KIAA1217: variants seen among roughly 807,000 people sequenced by gnomAD.
KIAA1217 encodes sickle tail protein homolog.
KIAA1217 carries 88 observed loss-of-function variants against 163.9 expected under a neutral mutation model. The ratio of observed to expected loss-of-function variants is 0.54; its 90% CI spans 0.45 to 0.64. The LOEUF is 0.64. Ranked by LOEUF, KIAA1217 falls within the 30% of genes least tolerant of loss-of-function variation. The pLI is 0.00. For synonymous variants in KIAA1217, 903 were observed against 923.1 expected, an observed-to-expected ratio of 0.98 and a Z score of 0.39; for missense variants, 2,372 against 2,475.0, an observed-to-expected ratio of 0.96 and a Z score of 0.88.
rs112411312 is a variant in KIAA1217, at chr10:23,848,446, A to G, written c.-321+153212A>G. On this transcript the variant is annotated intron_variant, in intron 1 of 18. Coordinates refer to the KIAA1217 transcript ENST00000376462. ...TTACCATTATATAATACCCTTCTTTATCTCTTTTCAACCCCAAATGCCCAC... is the reference window on the plus strand; with the variant it reads ...TTACCATTATATAATACCCTTCTTTGTCTCTTTTCAACCCCAAATGCCCAC... 4.8e-3 allele frequency among the ~76,000 whole-genome samples: 734 copies of G among 152,008 alleles called. 10 individuals carry two copies. The highest frequency in any genetic ancestry group is 0.016 in the African/African-American group (661 of 41,498).
intron 20 of KIAA1217, chr10:24,545,558 G>A: frequency 1.5e-6 from 2 of 1,345,166 alleles, no homozygotes; most frequent in Non-Finnish European, 1.9e-6. Flanking sequence ...GGCCCACCTG[G>A]CACACAGGAA....
intron 1 of KIAA1217, among the ~76,000 whole-genome samples, chr10:23,764,550 C>T (rs542597567): frequency 6.6e-6 from 1 of 152,224 alleles, no homozygotes; most frequent in Middle Eastern, 3.4e-3. Flanking sequence ...AACCCAAATG[C>T]CCAGCAATGA....
At chr10:24,052,782 T>C (rs1450255755) in intron 2 of KIAA1217, among the ~76,000 whole-genome samples, 2 of 152,206 alleles carry the variant, frequency 1.3e-5, no homozygotes, top group African/African-American at 2.4e-5. Flanking sequence ...TTTTCTTATA[T>C]TGTTATATGC....
At chr10:24,017,546 C>T (rs562052127) in intron 2 of KIAA1217, among the ~76,000 whole-genome samples, 1 of 152,206 alleles carries the variant, frequency 6.6e-6, no homozygotes, top group African/African-American at 2.4e-5. Flanking sequence ...AAGTAACATA[C>T]TGGCTTAAAT....
At chr10:23,708,149 A>T (rs923947082) in intron 1 of KIAA1217, among the ~76,000 whole-genome samples, 1 of 152,180 alleles carries the variant, frequency 6.6e-6, no homozygotes, top group Non-Finnish European at 1.5e-5. Context: ...AGCCAAGTGA[A>T]AGGGGCTTCC....
chr10:24,173,582 C>T (rs2065733368), intron 2 of KIAA1217, among the ~76,000 whole-genome samples: 1 of 152,098 alleles, frequency 6.6e-6, no homozygotes, highest in Non-Finnish European at 1.5e-5. Context: ...GAATCTAAGA[C>T]TTCCAGTTCT....
At chr10:23,888,426 A>G (rs984298584) in intron 1 of KIAA1217, among the ~76,000 whole-genome samples, 5 of 151,942 alleles carry the variant, frequency 3.3e-5, no homozygotes, top group African/African-American at 1.2e-4. Flanking sequence ...ACTCCTGAAT[A>G]GATATACACA....
intron 2 of KIAA1217, among the ~76,000 whole-genome samples, chr10:24,082,108 T>C (rs906766582): frequency 3.5e-4 from 53 of 152,172 alleles, no homozygotes; most frequent in African/African-American, 1.2e-3. Flanking sequence ...TTGTCCCCTT[T>C]TGTAATTCAG....
intron 4 of KIAA1217, among the ~76,000 whole-genome samples, chr10:24,436,712 G>C (rs1031872668): frequency 7.1e-6 from 1 of 140,684 alleles, no homozygotes; most frequent in South Asian, 2.3e-4. Flanking sequence ...GAGCCGAGAC[G>C]GTGCCACTGC....
At chr10:23,763,030 A>G (rs1035980988) in intron 1 of KIAA1217, among the ~76,000 whole-genome samples, 3 of 152,174 alleles carry the variant, frequency 2.0e-5, no homozygotes, top group Non-Finnish European at 4.4e-5. Context: ...ACAAAGGAAT[A>G]AAATACCTAG....
At chr10:23,823,393 T>C (rs183984418) in intron 1 of KIAA1217, among the ~76,000 whole-genome samples, 2 of 152,306 alleles carry the variant, frequency 1.3e-5, no homozygotes, top group South Asian at 2.1e-4. Context: ...AAAGTTTGAG[T>C]CCTTCTTACG....
intron 1 of KIAA1217, among the ~76,000 whole-genome samples, chr10:23,808,688 A>G (rs1310629441): frequency 1.3e-5 from 2 of 152,128 alleles, no homozygotes; most frequent in Non-Finnish European, 2.9e-5. Context: ...TGGAGGCTAC[A>G]TTAAAAACAC....
chr10:23,921,918 G>A (rs1274052363), intron 1 of KIAA1217, among the ~76,000 whole-genome samples: 1 of 152,114 alleles, frequency 6.6e-6, no homozygotes, highest in Admixed American at 6.5e-5. Flanking sequence ...AATCCTAGTA[G>A]TGATAAATGT....
chr10:24,011,178 G>C (rs898200627), intron 2 of KIAA1217, among the ~76,000 whole-genome samples: 1 of 152,066 alleles, frequency 6.6e-6, no homozygotes, highest in Non-Finnish European at 1.5e-5. Flanking sequence ...CATTGGATAG[G>C]TATTTCCATC....
intron 5 of KIAA1217, among the ~76,000 whole-genome samples, chr10:24,440,518 AG>A (rs2060408387): frequency 2.0e-5 from 3 of 152,332 alleles, no homozygotes; most frequent in Admixed American, 2.0e-4. Flanking sequence ...ACCCTCCAGC[AG>A]CTCTGGTACC....
intron 5 of KIAA1217, among the ~76,000 whole-genome samples, chr10:24,453,619 C>T (rs1258364777): frequency 2.6e-5 from 4 of 152,234 alleles, no homozygotes. Flanking sequence ...AAAACAGCCT[C>T]TTTGCTGTGG....
chr10:24,507,981 G>A (rs186193035), intron 9 of KIAA1217, among the ~76,000 whole-genome samples: 28 of 152,244 alleles, frequency 1.8e-4, no homozygotes, highest in African/African-American at 6.3e-4. Context: ...TTGAAAGGAA[G>A]AAAAGTCTTT....
At chr10:24,274,838 A>G (rs762989569) in intron 2 of KIAA1217, among the ~76,000 whole-genome samples, 19 of 152,218 alleles carry the variant, frequency 1.2e-4, no homozygotes, top group Non-Finnish European at 8.8e-5. Context: ...GGTGTATCAC[A>G]GCCTTCTTGA....
At chr10:23,737,208 T>A (rs1365376725) in intron 1 of KIAA1217, among the ~76,000 whole-genome samples, 1 of 151,500 alleles carries the variant, frequency 6.6e-6, no homozygotes, top group Non-Finnish European at 1.5e-5. Flanking sequence ...TACATTAACA[T>A]ATTTTTTTTT....
Sources: allele counts gnomAD v4.1 joint callset (sites outside exome capture counted in the v4.1 genomes callset), GRCh38; gene constraint gnomAD v4.1.1; transcripts MANE v1.5; gene names NCBI Gene and HGNC (gene_info 2026-07-23, HGNC 2026-07-21).